Variants in STXBP6 observed in about 807,000 individuals in gnomAD.
STXBP6 encodes the protein syntaxin binding protein 6, also known as syntaxin-binding protein 6.
STXBP6 carries 21 observed loss-of-function variants against 26.9 expected under a neutral mutation model. The observed-to-expected ratio is 0.78, with a 90% CI of 0.55 to 1.12. The LOEUF (loss-of-function observed/expected upper bound fraction) is 1.12. STXBP6 is among the 50% of genes most tolerant of loss of function. STXBP6 has a pLI of 0.00. For synonymous variants in STXBP6, 97 were observed against 92.6 expected (o/e 1.05, Z -0.27); for missense variants, 232 against 257.9 (o/e 0.90, Z 0.69).
chr14:24,991,856 C>G (rs561239847), intron 1 of STXBP6, among the ~76,000 whole-genome samples: 1 of 152,184 alleles, frequency 6.6e-6, no homozygotes, highest in Non-Finnish European at 1.5e-5. Context: ...GAGCGGTAGA[C>G]GGCCCACCAA....
chr14:24,956,859 C>T (rs1416529284), intron 2 of STXBP6, among the ~76,000 whole-genome samples: 2 of 152,152 alleles, frequency 1.3e-5, no homozygotes, highest in Non-Finnish European at 2.9e-5. Context: ...ACAGGTAATG[C>T]AGACACAAAG....
chr14:24,964,800 G>A (rs2073680147), intron 2 of STXBP6, among the ~76,000 whole-genome samples: 1 of 152,076 alleles, frequency 6.6e-6, no homozygotes, highest in Non-Finnish European at 1.5e-5. Context: ...GCTCAACAGT[G>A]AACTTGACTG....
intron 2 of STXBP6, among the ~76,000 whole-genome samples, chr14:24,931,134 A>AAAAAAAAAAAACAAAAAAACAAAAAC (rs1566486307): frequency 8.5e-6 from 1 of 118,006 alleles, no homozygotes; most frequent in Non-Finnish European, 1.7e-5. Flanking sequence ...AAAAAAAAAA[A>AAAAAAAAAAAACAAAAAAACAAAAAC]AAAAAAAACC....
chr14:25,050,048 C>G lies in STXBP6; in HGVS notation c.-203G>C, dbSNP rs890446537. Reference sequence around the variant, plus strand: ...CGGCTCCCGCGCCGGCTCCTGCTGCCGCGCGCGAAAAGGGAGGGGTTGGGG... The same window carrying G: ...CGGCTCCCGCGCCGGCTCCTGCTGCGGCGCGCGAAAAGGGAGGGGTTGGGG... On this transcript the variant is annotated 5_prime_UTR_variant, in exon 1 of 6. Coordinates refer to ENST00000323944, the MANE Select transcript of STXBP6 (RefSeq NM_001394410.1). 2.0e-5 allele frequency: 4 copies of G among 203,246 alleles called. No homozygotes were observed. Among genetic ancestry groups the G allele is most frequent in the African/African-American group, 4.7e-5 (2 of 42,318 alleles). The allele number at this position is 203,246 out of a possible 1,614,324, so 12.6% of individuals were successfully genotyped here.
chr14:25,035,152 C>CAAA (rs1168180231), intron 1 of STXBP6, among the ~76,000 whole-genome samples: 1 of 77,964 alleles, frequency 1.3e-5, no homozygotes, highest in African/African-American at 4.4e-5. Flanking sequence ...ACTCTGTCTC[C>CAAA]AAAAAAAAAA....
In STXBP6 at chr14:24,860,983, T is replaced by C. The variant is rs147732125; in HGVS notation, c.155-3826A>G. On this transcript the variant is annotated intron_variant, in intron 2 of 5. Transcript: ENST00000323944. ...CATCTTTTTACACATTTTTATACAT[T>C]TACTATACACATTGAACTTGAATTA... Among the ~76,000 whole-genome samples, 55 of 152,148 alleles carry C rather than the reference T, an allele frequency of 3.6e-4. 1 individual carries two copies. The East Asian group carries it at 8.5e-3, about 24-fold the overall frequency.
At chr14:24,834,957 G>A (rs1056415636) in intron 4 of STXBP6, among the ~76,000 whole-genome samples, 2 of 152,164 alleles carry the variant, frequency 1.3e-5, no homozygotes, top group African/African-American at 4.8e-5. Flanking sequence ...GGGTTTGGCA[G>A]AACTAGTGCT....
chr14:24,968,375 A>G (rs2073801250), intron 2 of STXBP6, among the ~76,000 whole-genome samples: 1 of 151,842 alleles, frequency 6.6e-6, no homozygotes, highest in African/African-American at 2.4e-5. Context: ...CTCTCTTCTA[A>G]TATTTATAGA....
chr14:24,957,303 G>A (rs554461215), intron 2 of STXBP6, among the ~76,000 whole-genome samples: 1 of 152,292 alleles, frequency 6.6e-6, no homozygotes, highest in South Asian at 2.1e-4. Flanking sequence ...GGTTTAAATT[G>A]AAACTCTATT....
intron 2 of STXBP6, among the ~76,000 whole-genome samples, chr14:24,950,858 C>A (rs1401631013): frequency 6.6e-6 from 1 of 152,164 alleles, no homozygotes; most frequent in African/African-American, 2.4e-5. Context: ...CCGTCGCCTA[C>A]ATTAGGTATT....
chr14:25,008,181 T>C (rs1039652275), intron 1 of STXBP6, among the ~76,000 whole-genome samples: 4 of 152,210 alleles, frequency 2.6e-5, no homozygotes, highest in African/African-American at 9.6e-5. Context: ...CCACAATTCA[T>C]TTTTAAAAAT....
chr14:25,009,820 C>A (rs962346144), intron 1 of STXBP6, among the ~76,000 whole-genome samples: 1 of 152,218 alleles, frequency 6.6e-6, no homozygotes, highest in Admixed American at 6.5e-5. Flanking sequence ...ATGACTGCCA[C>A]TGTATGGACT....
intron 4 of STXBP6, among the ~76,000 whole-genome samples, chr14:24,851,584 G>A (rs1465416139): frequency 3.9e-5 from 6 of 152,064 alleles, no homozygotes; most frequent in Non-Finnish European, 8.8e-5. Context: ...CTAATAACAC[G>A]TTATTAACTC....
chr14:24,860,340 G>T (rs2069491523), intron 2 of STXBP6, among the ~76,000 whole-genome samples: 1 of 152,146 alleles, frequency 6.6e-6, no homozygotes, highest in Non-Finnish European at 1.5e-5. Context: ...AAGTAGAACT[G>T]GTAGAAGAGG....
intron 2 of STXBP6, among the ~76,000 whole-genome samples, chr14:24,890,823 T>C (rs745630780): frequency 5.3e-5 from 8 of 152,236 alleles, no homozygotes; most frequent in Admixed American, 2.0e-4. Flanking sequence ...AGCAGTGCTA[T>C]AGAGAGATAG....
At chr14:25,013,454 A>G (rs1324056307) in intron 1 of STXBP6, among the ~76,000 whole-genome samples, 2 of 143,878 alleles carry the variant, frequency 1.4e-5, no homozygotes, top group Non-Finnish European at 3.0e-5. Flanking sequence ...ATTGGCTATC[A>G]ACATCTCTCT....
intron 2 of STXBP6, among the ~76,000 whole-genome samples, chr14:24,928,073 G>C (rs1272494099): frequency 2.0e-5 from 3 of 152,064 alleles, no homozygotes; most frequent in African/African-American, 7.2e-5. Flanking sequence ...ACTGCAAAAC[G>C]GTCCTTCGGA....
chr14:24,983,367 C>T (rs567152870), intron 1 of STXBP6, among the ~76,000 whole-genome samples: 1 of 152,312 alleles, frequency 6.6e-6, no homozygotes, highest in South Asian at 2.1e-4. Flanking sequence ...GCAGACAGCA[C>T]TGGAAATAGC....
At chr14:24,812,912 T>A (rs895224089) in intron 5 of STXBP6, among the ~76,000 whole-genome samples, 180 bp from the exon 6 acceptor site, 1 of 152,240 alleles carries the variant, frequency 6.6e-6, no homozygotes, top group African/African-American at 2.4e-5. Context: ...TTTTCTCAAA[T>A]AGCTCATGGG....
Sources: allele counts gnomAD v4.1 joint callset (sites outside exome capture counted in the v4.1 genomes callset), GRCh38; gene constraint gnomAD v4.1.1; transcripts MANE v1.5; gene names NCBI Gene and HGNC (gene_info 2026-07-23, HGNC 2026-07-21).